CPSF4L: variants seen among roughly 807,000 people sequenced by gnomAD.
CPSF4L encodes putative cleavage and polyadenylation specificity factor subunit 4-like protein.
Under a neutral mutation model 24.0 loss-of-function variants are expected in CPSF4L, and 18 were observed. The ratio of observed to expected loss-of-function variants is 0.75; its 90% CI spans 0.52 to 1.11. CPSF4L has a LOEUF of 1.11. CPSF4L is among the 50% of genes least tolerant of loss of function. The pLI, the probability that CPSF4L is intolerant of heterozygous loss-of-function variation, is 0.00. For synonymous variants in CPSF4L, 72 were observed against 77.2 expected (o/e 0.93, Z 0.35); for missense variants, 211 against 221.8 (o/e 0.95, Z 0.31).
chr17:73,257,947 C>G, intron 2 of CPSF4L, 114 bp from the exon 3 acceptor site: 1 of 1,112,916 alleles, frequency 9.0e-7, no homozygotes, highest in Non-Finnish European at 1.3e-6. Context: ...GCGGCTGTCC[C>G]CTTATCCCTT....
intron 2 of CPSF4L, 106 bp from the exon 3 acceptor site, chr17:73,257,939 G>T: frequency 1.6e-6 from 2 of 1,226,368 alleles, no homozygotes; most frequent in Non-Finnish European, 2.3e-6. Flanking sequence ...AGTCCCCAGC[G>T]GCTGTCCCCT....
chr17:73,245,837 A>G (rs746134183), downstream of CPSF4L: 6 of 542,310 alleles, frequency 1.1e-5, no homozygotes, highest in Middle Eastern at 8.8e-4. Flanking sequence ...ATAATAATGA[A>G]CCGGTGGCTA....
chr17:73,251,330 CCTT>C (rs2062005307), intron 5 of CPSF4L, among the ~76,000 whole-genome samples: 1 of 152,180 alleles, frequency 6.6e-6, no homozygotes, highest in South Asian at 2.1e-4. Context: ...TCGCCTCCCA[CCTT>C]CTTTCAAAGC....
At chr17:73,242,196 G>T in the CPSF4L span, 7 of 1,265,316 alleles carry the variant, frequency 5.5e-6, no homozygotes, top group South Asian at 1.3e-5. Context: ...TTAGGGAAGG[G>T]GGTACGTTTC....
downstream of CPSF4L, chr17:73,247,365 C>G (rs773002426): frequency 5.0e-6 from 8 of 1,611,536 alleles, no homozygotes; most frequent in Non-Finnish European, 5.9e-6. Flanking sequence ...GTAGGAGAAG[C>G]CTTCGTGACT....
At chr17:73,260,309 C>T (rs1447430455) in intron 2 of CPSF4L, among the ~76,000 whole-genome samples, 1 of 152,150 alleles carries the variant, frequency 6.6e-6, no homozygotes, top group Non-Finnish European at 1.5e-5. Flanking sequence ...ACACGCCCAT[C>T]CCAGCAAGGC....
At chr17:73,251,422 C>T (rs1002378899) in intron 5 of CPSF4L, among the ~76,000 whole-genome samples, 4 of 152,128 alleles carry the variant, frequency 2.6e-5, no homozygotes, top group Non-Finnish European at 4.4e-5. Flanking sequence ...CCCCAGTAGC[C>T]GTCAGTAGCT....
chr17:73,254,095 T>C lies in CPSF4L; in HGVS notation c.308-69A>G, dbSNP rs185931168. ...ATCACTTCTGTGTCCCCAAACCAGA[T>C]TGACCTTGCCCCTCACAAACACAGA... On this transcript the variant is annotated intron_variant, in intron 3 of 5. Transcript: ENST00000344935. The C allele has an allele frequency of 4.1e-6, 5 of 1,231,196 alleles. No homozygotes were observed. In the African/African-American group the frequency reaches 4.5e-5, roughly 11 times the overall value. The allele number at this position is 1,231,196 out of a possible 1,614,324, so 76.3% of individuals were successfully genotyped here.
Position 73,260,965 on chromosome 17 carries a change from C to T in CPSF4L, c.122G>A (p.Cys41Tyr), listed in dbSNP as rs1287566199. 2.6e-6 allele frequency: 4 copies of T among 1,550,328 alleles called. No individual in the cohort carries two copies. The highest frequency in any genetic ancestry group is 3.3e-4 in the Middle Eastern group (2 of 5,988). ...QGMDKSASAV[C>Y]NFFTKGLCEK... The stretch of plus-strand genomic sequence containing the variant: ...ACAGAGCCCTTTAGTGAAGAAGTTG[C>T]ACACAGCTGAGGCCGACTCTGGAAG... The change falls in exon 2 of 6, where the codon TGC (cysteine) becomes TAC (tyrosine). Residue 41 changes from cysteine (C) to tyrosine (Y), a missense_variant. By Grantham distance (194) the Cys-to-Tyr change is radical. Transcript: ENST00000344935.
At chr17:73,255,695 C>T (rs1400756437) in intron 3 of CPSF4L, among the ~76,000 whole-genome samples, 1 of 152,132 alleles carries the variant, frequency 6.6e-6, no homozygotes, top group Non-Finnish European at 1.5e-5. Context: ...CAGTATACAG[C>T]ACTGGGCAGA....
downstream of CPSF4L, chr17:73,245,571 C>T: frequency 2.0e-6 from 2 of 985,334 alleles, no homozygotes; most frequent in South Asian, 4.7e-5. Context: ...ATATGAGATA[C>T]CAGACTACTA....
At chr17:73,260,290 A>T (rs2062040170) in intron 2 of CPSF4L, among the ~76,000 whole-genome samples, 1 of 152,194 alleles carries the variant, frequency 6.6e-6, no homozygotes, top group Non-Finnish European at 1.5e-5. Context: ...CACAGGCCAA[A>T]GCTCAGACAC....
the CPSF4L span, chr17:73,243,001 T>A: frequency 4.3e-6 from 7 of 1,611,178 alleles, no homozygotes; most frequent in Non-Finnish European, 5.1e-6. Context: ...TTCAGACGTC[T>A]GAGTAAGTCT....
chr17:73,247,596 A>C (rs990726682), downstream of CPSF4L: 24 of 415,964 alleles, frequency 5.8e-5, no homozygotes, highest in Non-Finnish European at 8.8e-6. Context: ...CCTGAAAATA[A>C]GTTATTTAAT....
At chr17:73,247,560 C>A, downstream of CPSF4L, 1 of 498,832 alleles carries the variant, frequency 2.0e-6, no homozygotes, top group Non-Finnish European at 3.6e-6. Context: ...AAAGGTTTAA[C>A]TTAGTCACAG....
upstream of CPSF4L, among the ~76,000 whole-genome samples, chr17:73,262,938 CAGAAA>C (rs10609485): frequency 0.12 from 18,511 of 152,080 alleles, 1,414 homozygotes; most frequent in Non-Finnish European, 0.17. Context: ...AACTCCAGAT[CAGAAA>C]AGAAAATAGC....
chr17:73,246,443 G>A (rs1479691657), downstream of CPSF4L, among the ~76,000 whole-genome samples: 6 of 152,222 alleles, frequency 3.9e-5, no homozygotes, highest in Non-Finnish European at 8.8e-5. Context: ...GGTTGAGGCA[G>A]GAGAATCACT....
intron 3 of CPSF4L, among the ~76,000 whole-genome samples, chr17:73,255,338 C>CT (rs2062020760): frequency 1.3e-5 from 2 of 151,878 alleles, no homozygotes; most frequent in Non-Finnish European, 2.9e-5. Flanking sequence ...GAAACCCCAT[C>CT]TCTACTAAAA....
chr17:73,262,048 C>T (rs1247513778), upstream of CPSF4L: 3 of 561,046 alleles, frequency 5.3e-6, no homozygotes, highest in African/African-American at 1.9e-5. Flanking sequence ...GGGCCCCTCA[C>T]CCCCACACTG....
Sources: allele counts gnomAD v4.1 joint callset (sites outside exome capture counted in the v4.1 genomes callset), GRCh38; gene constraint gnomAD v4.1.1; transcripts MANE v1.5; gene names NCBI Gene and HGNC (gene_info 2026-07-23, HGNC 2026-07-21).